The following BCL11A variants were observed in gnomAD, a reference collection of about 807,000 sequenced individuals.
BCL11A encodes BCL11 transcription factor A.
Under a neutral mutation model 55.9 loss-of-function variants are expected in BCL11A, and 2 were observed. That is an observed-to-expected ratio of 0.04 (90% CI 0.01 to 0.11). BCL11A has a LOEUF of 0.11. BCL11A is among the 10% of genes least tolerant of loss of function. The pLI is 1.00. For synonymous variants in BCL11A, 465 were observed against 473.4 expected (o/e 0.98, Z 0.23); for missense variants, 817 against 1,137.1 (o/e 0.72, Z 4.05).
At chr2:60,481,884 C>T (rs957807110) in intron 2 of BCL11A, among the ~76,000 whole-genome samples, 1 of 152,172 alleles carries the variant, frequency 6.6e-6, no homozygotes, top group African/African-American at 2.4e-5. Context: ...GGGGAAAAGC[C>T]TCAACACACA....
intron 1 of BCL11A, among the ~76,000 whole-genome samples, chr2:60,547,624 C>T (rs777564870): frequency 4.6e-5 from 7 of 151,994 alleles, no homozygotes; most frequent in Non-Finnish European, 1.0e-4. Flanking sequence ...CCTTCTTTAG[C>T]AAGCTGCCAA....
rs537203713 is a variant in BCL11A at position 60,501,860 on chromosome 2, C to T, written c.386-33027G>A. The stretch of plus-strand genomic sequence containing the variant: ...GCTCATCTCACATAAAAATTTAAGA[C>T]GGGAAAACAGGAAGATGCATTCTGA... On this transcript the variant is annotated intron_variant, in intron 2 of 3. Transcript: ENST00000642384. 3.9e-5 allele frequency among the ~76,000 whole-genome samples: 6 copies of T among 152,198 alleles called. No individual in the cohort carries two copies. The South Asian group carries it at 8.3e-4, about 21-fold the overall frequency.
intron 3 of BCL11A, among the ~76,000 whole-genome samples, chr2:60,463,947 A>G (rs1372475541): frequency 3.3e-5 from 5 of 151,012 alleles, no homozygotes; most frequent in South Asian, 4.2e-4. Context: ...TCTACCAGGG[A>G]GGTTAAGAGT....
intron 3 of BCL11A, 127 bp from the exon 4 acceptor site, chr2:60,462,551 T>A: frequency 7.0e-7 from 1 of 1,433,482 alleles, no homozygotes; most frequent in Admixed American, 2.9e-5. Context: ...AAGCCCTCAC[T>A]GACCTACCCC....
At chr2:60,533,652 G>A (rs953204828) in intron 2 of BCL11A, 1 of 152,102 alleles carries the variant, frequency 6.6e-6, no homozygotes, top group African/African-American at 2.4e-5. Context: ...AGTGCGTGTG[G>A]AATCAATTAT....
chr2:60,472,355 G>A (rs1016601134), intron 2 of BCL11A, among the ~76,000 whole-genome samples: 1 of 152,100 alleles, frequency 6.6e-6, no homozygotes, highest in Non-Finnish European at 1.5e-5. Context: ...CTCTCAAATG[G>A]GACACATTTC....
chr2:60,527,659 T>C (rs1275684474), intron 2 of BCL11A: 3 of 152,176 alleles, frequency 2.0e-5, no homozygotes, highest in Non-Finnish European at 4.4e-5. Flanking sequence ...ACTTACCAAG[T>C]GAGCAGAGCT....
At chr2:60,516,161 T>C (rs1437247574) in intron 2 of BCL11A, among the ~76,000 whole-genome samples, 1 of 152,228 alleles carries the variant, frequency 6.6e-6, no homozygotes, top group African/African-American at 2.4e-5. Context: ...ATGTCTGTAA[T>C]GCTTTTCATA....
At chr2:60,467,705 C>A (rs376420086) in intron 3 of BCL11A, among the ~76,000 whole-genome samples, 4 of 13,138 alleles carry the variant, frequency 3.0e-4, no homozygotes, top group African/African-American at 1.1e-3. Context: ...GGTGATGGTA[C>A]TGGTGGTGAT....
At chr2:60,465,887 A>T (rs1347594568) in intron 3 of BCL11A, among the ~76,000 whole-genome samples, 1 of 152,212 alleles carries the variant, frequency 6.6e-6, no homozygotes, top group East Asian at 1.9e-4. Flanking sequence ...GGAAGGTCCC[A>T]GTCCAGGCCT....
chr2:60,463,556 C>A (rs894349958), intron 3 of BCL11A, among the ~76,000 whole-genome samples: 3 of 152,218 alleles, frequency 2.0e-5, no homozygotes, highest in African/African-American at 7.2e-5. Context: ...CACATTATTT[C>A]CCTTGCTGAA....
chr2:60,498,207 C>G (rs187333125), intron 2 of BCL11A, among the ~76,000 whole-genome samples: 1 of 151,838 alleles, frequency 6.6e-6, no homozygotes, highest in Non-Finnish European at 1.5e-5. Context: ...CTTAAGGTGA[C>G]CCAGCAGCCC....
chr2:60,459,909 A>G lies in BCL11A; in HGVS notation c.*495T>C. ...AATAAAACTGTACATGATATGTATT[A>G]CAGAATGTATGCAGCATGGTCTTTT... is the stretch of plus-strand genomic sequence containing the variant. On this transcript the variant is annotated 3_prime_UTR_variant, in exon 4 of 4. Transcript: ENST00000642384. 1 of 1,057,096 alleles carries G rather than the reference A, an allele frequency of 9.5e-7. No homozygotes were observed. The highest frequency in any genetic ancestry group is 1.1e-6 in the Non-Finnish European group (1 of 874,094). The allele number at this position is 1,057,096 out of a possible 1,614,324, so 65.5% of individuals were successfully genotyped here. A position where few individuals can be genotyped will look rare whatever the true frequency, so the allele number is the denominator to read the frequency against.
downstream of BCL11A, among the ~76,000 whole-genome samples, chr2:60,454,558 A>G (rs189466670): frequency 6.6e-6 from 1 of 152,196 alleles, no homozygotes; most frequent in South Asian, 2.1e-4. Flanking sequence ...CACAGTTACA[A>G]CACAGTCATA....
intron 2 of BCL11A, among the ~76,000 whole-genome samples, chr2:60,489,121 T>C (rs1345143733): frequency 6.6e-6 from 1 of 152,168 alleles, no homozygotes. Flanking sequence ...TAATAGGTGG[T>C]CAAAATGTTT....
At chr2:60,479,736 G>A (rs577594893) in intron 2 of BCL11A, among the ~76,000 whole-genome samples, 1 of 152,342 alleles carries the variant, frequency 6.6e-6, no homozygotes, top group South Asian at 2.1e-4. Context: ...TCAAGGCAAA[G>A]AGTCAAGGGT....
chr2:60,496,225 G>A (rs1225274340), intron 2 of BCL11A, among the ~76,000 whole-genome samples: 1 of 152,218 alleles, frequency 6.6e-6, no homozygotes, highest in Non-Finnish European at 1.5e-5. Flanking sequence ...CTTAAGCAAT[G>A]GAAGTCCAAT....
At chr2:60,503,715 G>T (rs1679419242) in intron 2 of BCL11A, among the ~76,000 whole-genome samples, 1 of 152,100 alleles carries the variant, frequency 6.6e-6, no homozygotes, top group African/African-American at 2.4e-5. Context: ...TAGCTGCCAG[G>T]GAAATGTGAC....
chr2:60,460,852 G>A lies in BCL11A; in HGVS notation c.2060C>T (p.Ser687Leu), dbSNP rs774790015. The A allele has an allele frequency of 2.5e-6, 4 of 1,613,036 alleles. No individual in the cohort carries two copies. The highest frequency in any genetic ancestry group is 2.2e-5 in the East Asian group (1 of 44,870). Residue 687 changes from serine to leucine, a missense_variant, in exon 4 of 4, where the codon TCG (serine) becomes TTG (leucine). This residue lies in a region of BCL11A where 379 missense variants were observed against 425.3 expected (regional missense o/e 0.89). Transcript: ENST00000642384. The stretch of plus-strand genomic sequence containing the variant: ...CCCGTTCTCCGAGGAGTGCTCCGAC[G>A]AGGAGGCAAAAGGCGATTGTCTGGA... The part of the protein sequence containing the change: ...GDSRQSPFAS[S>L]SEHSSENGSL...
Sources: gnomAD v4.1 joint callset for allele counts (sites outside exome capture counted in the v4.1 genomes callset) on GRCh38, gnomAD v4.1.1 for gene constraint, gnomAD v4.1.1 regional missense constraint, MANE v1.5 for transcripts, NCBI Gene and HGNC (gene_info 2026-07-23, HGNC 2026-07-21) for gene names.